HECW2: variants seen among roughly 807,000 people sequenced by gnomAD.
HECW2 encodes HECT, C2 and WW domain containing E3 ubiquitin protein ligase 2.
Under a neutral mutation model 175.2 loss-of-function variants are expected in HECW2, and 61 were observed. That is an observed-to-expected ratio of 0.35 (90% confidence interval 0.28 to 0.43). The LOEUF is 0.43. Among genes scored for constraint, HECW2 ranks in the 20% least tolerant of loss-of-function variants. The probability of loss-of-function intolerance (pLI) is 1.00; values close to 1 mark genes in which losing one functional copy is unlikely to be tolerated. For synonymous variants in HECW2, 671 were observed against 731.0 expected (o/e 0.92, Z 1.32); for missense variants, 1,524 against 2,000.5 (o/e 0.76, Z 4.54).
At chr2:196,314,077 G>A (rs1691600934) in intron 10 of HECW2, among the ~76,000 whole-genome samples, 1 of 152,180 alleles carries the variant, frequency 6.6e-6, no homozygotes, top group African/African-American at 2.4e-5. Context: ...CCCTAGGGTA[G>A]AAAGAGAGTG....
chr2:196,529,833 G>C (rs564956396), intron 1 of HECW2, among the ~76,000 whole-genome samples: 1 of 152,240 alleles, frequency 6.6e-6, no homozygotes, highest in African/African-American at 2.4e-5. Flanking sequence ...TGTTCTTTTG[G>C]CCATTTTCTT....
At chr2:196,394,844 T>G (rs1694616234) in intron 2 of HECW2, among the ~76,000 whole-genome samples, 1 of 152,222 alleles carries the variant, frequency 6.6e-6, no homozygotes, top group Non-Finnish European at 1.5e-5. Context: ...TGTGTTGCTA[T>G]CAGAAAATAT....
intron 1 of HECW2, among the ~76,000 whole-genome samples, chr2:196,573,940 G>T (rs1243206441): frequency 6.6e-6 from 1 of 151,938 alleles, no homozygotes; most frequent in African/African-American, 2.4e-5. Context: ...CTGCTACTTG[G>T]GAGACTGAGG....
chr2:196,425,483 AT>A (rs1366072426), intron 2 of HECW2, among the ~76,000 whole-genome samples: 1 of 152,192 alleles, frequency 6.6e-6, no homozygotes, highest in Non-Finnish European at 1.5e-5. Flanking sequence ...TCTAGATGCC[AT>A]TCACAATTCA....
At chr2:196,421,327 A>G (rs959994058) in intron 2 of HECW2, among the ~76,000 whole-genome samples, 3 of 152,186 alleles carry the variant, frequency 2.0e-5, no homozygotes, top group Admixed American at 1.3e-4. Flanking sequence ...CATGATTTAC[A>G]GCAGATAAAT....
At chr2:196,482,552 C>T (rs1389434397) in intron 1 of HECW2, among the ~76,000 whole-genome samples, 2 of 152,112 alleles carry the variant, frequency 1.3e-5, no homozygotes, top group Non-Finnish European at 2.9e-5. Flanking sequence ...CAGACATTGA[C>T]CCTCCTGCTC....
rs534247839 is a variant in HECW2 at position 196,536,975 on chromosome 2, G to C, written c.-36+56533C>G. ...CTTAATCACCTAATCTCAAACATAC[G>C]AGGCCAGGAAAGATGAAATTAGTAA... On this transcript the variant is annotated intron_variant, in intron 1 of 28. Coordinates refer to ENST00000644978, the MANE Select transcript of HECW2 (RefSeq NM_001348768.2). Among the ~76,000 whole-genome samples the C allele has an allele frequency of 2.0e-5, 3 of 152,080 alleles. No homozygotes were observed. The East Asian group carries it at 5.8e-4, about 29-fold the overall frequency.
chr2:196,278,297 T>C (rs1388522233), intron 15 of HECW2, among the ~76,000 whole-genome samples: 1 of 149,054 alleles, frequency 6.7e-6, no homozygotes, highest in African/African-American at 2.5e-5. Flanking sequence ...CAAAAAATCT[T>C]AAATTTCGTC....
intron 1 of HECW2, among the ~76,000 whole-genome samples, chr2:196,498,732 T>G (rs1687478412): frequency 6.6e-6 from 1 of 152,212 alleles, no homozygotes; most frequent in African/African-American, 2.4e-5. Context: ...ATAGTTAAAC[T>G]CTAACCAGTC....
intron 1 of HECW2, among the ~76,000 whole-genome samples, chr2:196,491,326 G>A (rs867844438): frequency 6.1e-5 from 9 of 148,076 alleles, no homozygotes; most frequent in Admixed American, 3.4e-4. Context: ...CTGCCAACAC[G>A]GTGAAACCCC....
At chr2:196,457,834 A>G (rs1246403275) in intron 1 of HECW2, among the ~76,000 whole-genome samples, 1 of 152,222 alleles carries the variant, frequency 6.6e-6, no homozygotes, top group African/African-American at 2.4e-5. Flanking sequence ...CCTGAAAAGC[A>G]TTATATACAC....
chr2:196,543,082 A>G (rs764273164), intron 1 of HECW2, among the ~76,000 whole-genome samples: 1 of 150,658 alleles, frequency 6.6e-6, no homozygotes, highest in East Asian at 1.9e-4. Context: ...AGCAGTTGCT[A>G]TCACTGGGAG....
intron 18 of HECW2, among the ~76,000 whole-genome samples, chr2:196,256,073 A>G (rs1689044810): frequency 6.6e-6 from 1 of 152,190 alleles, no homozygotes; most frequent in Non-Finnish European, 1.5e-5. Flanking sequence ...ACTGCACCTC[A>G]AAAATAAATA....
At chr2:196,481,775 C>T (rs1307871554) in intron 1 of HECW2, among the ~76,000 whole-genome samples, 2 of 124,328 alleles carry the variant, frequency 1.6e-5, no homozygotes, top group African/African-American at 1.0e-4. Context: ...GGAAGACAAA[C>T]CATGGTCATT....
intron 10 of HECW2, among the ~76,000 whole-genome samples, chr2:196,312,626 C>T (rs937421231): frequency 7.9e-5 from 12 of 152,128 alleles, no homozygotes; most frequent in African/African-American, 2.9e-4. Flanking sequence ...ACAAAGGGGA[C>T]TTCTAGAATG....
At chr2:196,217,576 A>AC (rs1326854771) in intron 26 of HECW2, 1 of 152,580 alleles carries the variant, frequency 6.6e-6, no homozygotes. Context: ...CAAATACATA[A>AC]CTGCAAGCTC....
At chr2:196,221,032 C>T (rs1687646718) in intron 24 of HECW2, 91 bp from the exon 25 acceptor site, 1 of 1,388,070 alleles carries the variant, frequency 7.2e-7, no homozygotes, top group Non-Finnish European at 1.0e-6. Context: ...CAGCCAGCTA[C>T]CTGTCCCAGC....
At chr2:196,512,013 T>C (rs2125417252) in intron 1 of HECW2, among the ~76,000 whole-genome samples, 1 of 152,328 alleles carries the variant, frequency 6.6e-6, no homozygotes, top group South Asian at 2.1e-4. Flanking sequence ...GGAATGATTT[T>C]AACACACTAC....
rs759886995 is a variant in HECW2, at chr2:196,318,872, G to C, written c.2018C>G (p.Ala673Gly). 29 of 1,554,424 alleles carry C rather than the reference G, an allele frequency of 1.9e-5. No homozygotes were observed. The highest frequency in any genetic ancestry group is 2.2e-5 in the Non-Finnish European group (25 of 1,150,132). The change falls in exon 9 of 29, where the codon GCC becomes GGC. Residue 673 changes from alanine to glycine, a missense_variant. Ala to Gly is a moderately conservative substitution (Grantham distance 60). Around this residue, in one of 11 missense-constraint regions of HECW2, gnomAD observed 604 missense variants for 588.3 expected, o/e 1.03. Transcript: ENST00000644978. Reference sequence around the variant, plus strand: ...GTCTTCCTCCTCCTGAGAAGAAAAGGCTGGGGTTTCAGGAAACCGTGCGCT... The same window carrying C: ...GTCTTCCTCCTCCTGAGAAGAAAAGCCTGGGGTTTCAGGAAACCGTGCGCT... ...LESARFPETP[A>G]FSSQEEEDGA...
Sources: gnomAD v4.1 joint callset for allele counts (sites outside exome capture counted in the v4.1 genomes callset) on GRCh38, gnomAD v4.1.1 for gene constraint, gnomAD v4.1.1 regional missense constraint, MANE v1.5 for transcripts, NCBI Gene and HGNC (gene_info 2026-07-23, HGNC 2026-07-21) for gene names.